The following CNIH3 variants were observed in gnomAD, a reference collection of about 807,000 sequenced individuals.
CNIH3 encodes the protein protein cornichon homolog 3.
In CNIH3, 14 loss-of-function variants were observed where a neutral mutation model predicts 24.1. The observed-to-expected ratio is 0.58, with a 90% CI of 0.38 to 0.91. The LOEUF (loss-of-function observed/expected upper bound fraction) is 0.91. Ranked by LOEUF, CNIH3 falls within the 40% of genes least tolerant of loss-of-function variation. CNIH3 has a pLI of 0.00. For missense variants in CNIH3, 178 were observed against 196.8 expected (o/e 0.90, Z 0.57); for synonymous variants, 68 against 73.8 (o/e 0.92, Z 0.40).
At chr1:224,731,247 G>A (rs1475124063) in intron 4 of CNIH3, among the ~76,000 whole-genome samples, 1 of 151,930 alleles carries the variant, frequency 6.6e-6, no homozygotes, top group Non-Finnish European at 1.5e-5. Context: ...ACTTTAAAAG[G>A]GTGACTTTTA....
chr1:224,575,023 A>G, intron 4 of CNIH3: 1 of 873,018 alleles, frequency 1.1e-6, no homozygotes, highest in Non-Finnish European at 2.0e-6. Context: ...ACTCAGGAGA[A>G]GTTAATCCAG....
intron 1 of CNIH3, among the ~76,000 whole-genome samples, chr1:224,624,554 A>G (rs956025608): frequency 1.3e-5 from 2 of 151,946 alleles, no homozygotes; most frequent in Non-Finnish European, 2.9e-5. Context: ...GTCACCAGCC[A>G]TGTCTGTCCC....
chr1:224,613,907 C>T (rs1394153581), upstream of CNIH3, among the ~76,000 whole-genome samples: 3 of 151,138 alleles, frequency 2.0e-5, no homozygotes, highest in Non-Finnish European at 2.9e-5. Context: ...GAGACAGGGT[C>T]TGGCTCTATT....
At chr1:224,501,706 G>C (rs1558111834) in intron 1 of CNIH3, among the ~76,000 whole-genome samples, 1 of 151,764 alleles carries the variant, frequency 6.6e-6, no homozygotes, top group Non-Finnish European at 1.5e-5. Context: ...TCAGCCTCTG[G>C]AGTAGCTGGG....
At chr1:224,613,090 T>C (rs1450275616), upstream of CNIH3, among the ~76,000 whole-genome samples, 1 of 152,186 alleles carries the variant, frequency 6.6e-6, no homozygotes, top group Non-Finnish European at 1.5e-5. Flanking sequence ...CTTGACCTCT[T>C]GGGCTCAAGC....
chr1:224,560,547 C>A (rs1244584188), intron 3 of CNIH3, among the ~76,000 whole-genome samples: 1 of 152,074 alleles, frequency 6.6e-6, no homozygotes, highest in East Asian at 1.9e-4. Context: ...AGCTCCGCCT[C>A]CTTTCAGATC....
rs16849771 is a variant in CNIH3 at position 224,583,747 on chromosome 1, C to A, written n.620+480C>A. ...TCTGTATGTGGAAGAGTTCTTCAGC[C>A]AATTTTGTTATATTCCCTGGCTAAA... On this transcript the variant is annotated intron_variant and non_coding_transcript_variant, in intron 5 of 5. Coordinates refer to the CNIH3 transcript ENST00000471578. Among the ~76,000 whole-genome samples, 840 of 152,190 alleles carry A rather than the reference C, an allele frequency of 5.5e-3. 24 individuals are homozygous for A. Among genetic ancestry groups the A allele is most frequent in the Admixed American group, 0.041 (622 of 15,284 alleles).
chr1:224,482,378 C>G (rs1054978460), intron 1 of CNIH3, among the ~76,000 whole-genome samples: 3 of 152,040 alleles, frequency 2.0e-5, no homozygotes, highest in African/African-American at 7.2e-5. Context: ...CCGAGTCTAA[C>G]CCAAGGCCCT....
chr1:224,546,147 A>C (rs1263499887), intron 2 of CNIH3, among the ~76,000 whole-genome samples: 1 of 152,148 alleles, frequency 6.6e-6, no homozygotes, highest in African/African-American at 2.4e-5. Flanking sequence ...CCAACACATG[A>C]ATTTTAAGGG....
intron 1 of CNIH3, among the ~76,000 whole-genome samples, chr1:224,653,428 A>AC (rs1324642699): frequency 6.6e-6 from 1 of 151,974 alleles, no homozygotes; most frequent in Non-Finnish European, 1.5e-5. Context: ...ACCTCAAAAA[A>AC]AAAAAAAAAA....
At position 224,704,315 on chromosome 1, in the gene CNIH3, C is replaced by T. The variant is rs1687663414; in HGVS notation, c.198+19472C>T. On this transcript the variant is annotated intron_variant, in intron 3 of 5. Coordinates refer to ENST00000272133, the MANE Select transcript of CNIH3 (RefSeq NM_152495.2). This position sits in a 1 kb window ranked among gnomAD's most constrained non-coding sequence, Gnocchi z 4.2. ...GTGTGGCCCTGCAGGGTCCTAACAG[C>T]TCTGAAAGCCAGCAGGGGCTCTCTG... 6.6e-6 allele frequency among the ~76,000 whole-genome samples: 1 copy of T among 152,170 alleles called. No individual in the cohort carries two copies. Among genetic ancestry groups the T allele is most frequent in the South Asian group, 2.1e-4 (1 of 4,824 alleles).
At chr1:224,483,977 C>A (rs1161188612) in intron 1 of CNIH3, among the ~76,000 whole-genome samples, 1 of 152,036 alleles carries the variant, frequency 6.6e-6, no homozygotes, top group African/African-American at 2.4e-5. Flanking sequence ...TCGAGACTAG[C>A]CTGACCAACA....
chr1:224,641,174 C>T (rs954687485), intron 1 of CNIH3, among the ~76,000 whole-genome samples: 2 of 152,190 alleles, frequency 1.3e-5, no homozygotes, highest in Non-Finnish European at 2.9e-5. Context: ...CCTCGGCATA[C>T]ATCGGCACTA....
In CNIH3 at chr1:224,523,713, A is replaced by C. The variant is rs113936006; in HGVS notation, n.343+2386A>C. Among the ~76,000 whole-genome samples the C allele has an allele frequency of 3.5e-3, 529 of 152,304 alleles. 4 individuals carry two copies. Among genetic ancestry groups the C allele is most frequent in the African/African-American group, 0.012 (511 of 41,564 alleles). Reference sequence around the variant, plus strand: ...CTATATGTGTGTTACATGTCAATAAAAATGTTAAAAAGTCTCCTAATCATA... The same window carrying C: ...CTATATGTGTGTTACATGTCAATAACAATGTTAAAAAGTCTCCTAATCATA... On this transcript the variant is annotated intron_variant and non_coding_transcript_variant, in intron 2 of 2. Transcript: ENST00000470602.
chr1:224,654,055 T>A (rs921750649), intron 1 of CNIH3, among the ~76,000 whole-genome samples: 20 of 150,388 alleles, frequency 1.3e-4, no homozygotes, highest in African/African-American at 4.9e-4. Flanking sequence ...TGCTCCAGCC[T>A]GGACAACAGA....
intron 1 of CNIH3, among the ~76,000 whole-genome samples, chr1:224,504,786 T>C (rs1677825078): frequency 6.6e-6 from 1 of 152,176 alleles, no homozygotes; most frequent in Non-Finnish European, 1.5e-5. Context: ...GGCCTCAGTT[T>C]TCTTATCTGG....
chr1:224,455,506 C>T (rs1316308699), intron 1 of CNIH3, among the ~76,000 whole-genome samples: 1 of 152,138 alleles, frequency 6.6e-6, no homozygotes, highest in Non-Finnish European at 1.5e-5. Flanking sequence ...TACCAGGAAT[C>T]TAGTAGACCC....
In CNIH3 at chr1:224,723,371, C is replaced by T. The variant is rs1042398481; in HGVS notation, c.199-7091C>T. ...TTTTCCTCCCTGTGCTGCCTTCTCTCAGTGCAGAGGTGGAAATGAGTCCAA... is the reference window on the plus strand; with the variant it reads ...TTTTCCTCCCTGTGCTGCCTTCTCTTAGTGCAGAGGTGGAAATGAGTCCAA... On this transcript the variant is annotated intron_variant, in intron 3 of 5. Coordinates refer to ENST00000272133, the MANE Select transcript of CNIH3 (RefSeq NM_152495.2). Among the ~76,000 whole-genome samples, 8 of 152,344 alleles carry T rather than the reference C, an allele frequency of 5.3e-5. No individual in the cohort carries two copies. The South Asian group carries it at 1.4e-3, about 28-fold the overall frequency.
At chr1:224,537,658 C>A (rs984540329), downstream of CNIH3, 2 of 152,190 alleles carry the variant, frequency 1.3e-5, no homozygotes, top group African/African-American at 2.4e-5. Context: ...TTAACCTTGG[C>A]AAAATAAACT....
Sources: allele counts gnomAD v4.1 joint callset (sites outside exome capture counted in the v4.1 genomes callset), GRCh38; gene constraint gnomAD v4.1.1; non-coding constraint Gnocchi (gnomAD v3.1); transcripts MANE v1.5; gene names NCBI Gene and HGNC (gene_info 2026-07-23, HGNC 2026-07-21).